NRXN1: variants seen among roughly 807,000 people sequenced by gnomAD.
The protein encoded by NRXN1 is neurexin 1.
Under a neutral mutation model 150.9 loss-of-function variants are expected in NRXN1, and 39 were observed. The observed-to-expected ratio is 0.26, with a 90% CI of 0.20 to 0.34. NRXN1 has a LOEUF of 0.34. Among genes scored for constraint, NRXN1 ranks in the 10% least tolerant of loss-of-function variants. The pLI is 1.00. For synonymous variants in NRXN1, 924 were observed against 757.0 expected, an observed-to-expected ratio of 1.22 and a Z score of -3.62; for missense variants, 1,815 against 1,949.9, an observed-to-expected ratio of 0.93 and a Z score of 1.30.
chr2:50,012,916 G>T (rs899877950), intron 21 of NRXN1, among the ~76,000 whole-genome samples: 1 of 152,090 alleles, frequency 6.6e-6, no homozygotes, highest in Non-Finnish European at 1.5e-5. Flanking sequence ...GACCTTCAAT[G>T]CTTGTGGCTG....
intron 5 of NRXN1, among the ~76,000 whole-genome samples, chr2:50,790,744 T>A (rs1465408667): frequency 6.6e-6 from 1 of 152,152 alleles, no homozygotes; most frequent in Non-Finnish European, 1.5e-5. Flanking sequence ...TACATAATGT[T>A]CACATGGGAA....
At chr2:49,984,847 G>A (rs1680634645) in intron 21 of NRXN1, among the ~76,000 whole-genome samples, 1 of 152,124 alleles carries the variant, frequency 6.6e-6, no homozygotes, top group South Asian at 2.1e-4. Flanking sequence ...CCTGGATTGA[G>A]TTCCACATGT....
intron 22 of NRXN1, among the ~76,000 whole-genome samples, chr2:49,933,587 GT>G (rs1352959737): frequency 6.6e-6 from 1 of 152,096 alleles, no homozygotes; most frequent in Non-Finnish European, 1.5e-5. Context: ...TTGAGTGACA[GT>G]TTGCAGTTCA....
At chr2:50,434,073 T>A (rs2085215865) in intron 17 of NRXN1, among the ~76,000 whole-genome samples, 2 of 125,878 alleles carry the variant, frequency 1.6e-5, no homozygotes, top group East Asian at 6.3e-4. Context: ...TTTTTTTTTT[T>A]TGAGACGGAG....
At chr2:50,876,052 G>T (rs570957934) in intron 5 of NRXN1, among the ~76,000 whole-genome samples, 1 of 151,744 alleles carries the variant, frequency 6.6e-6, no homozygotes, top group Non-Finnish European at 1.5e-5. Flanking sequence ...CTGGGTGCAG[G>T]AGTGGAACAC....
intron 21 of NRXN1, among the ~76,000 whole-genome samples, chr2:49,979,164 G>C (rs964903450): frequency 7.2e-5 from 11 of 152,160 alleles, no homozygotes; most frequent in African/African-American, 2.7e-4. Flanking sequence ...AGGCGTGGTG[G>C]CATGCACCTG....
intron 5 of NRXN1, among the ~76,000 whole-genome samples, chr2:50,685,626 A>C (rs775110557): frequency 5.3e-5 from 8 of 152,102 alleles, no homozygotes; most frequent in Non-Finnish European, 1.0e-4. Context: ...GGATCCCTTA[A>C]GTTCAGGCAC....
At chr2:50,878,375 A>G (rs1041184671) in intron 5 of NRXN1, among the ~76,000 whole-genome samples, 3 of 151,834 alleles carry the variant, frequency 2.0e-5, no homozygotes, top group Non-Finnish European at 4.4e-5. Context: ...TGGCTTTGGT[A>G]TTTTGTCAGG....
intron 5 of NRXN1, chr2:50,656,553 C>A (rs1433883413): frequency 3.5e-6 from 2 of 579,380 alleles, no homozygotes; most frequent in East Asian, 2.8e-5. Context: ...ATTTTGTATA[C>A]AAAAGAATGG....
intron 2 of NRXN1, among the ~76,000 whole-genome samples, chr2:50,959,094 G>C (rs1692732754): frequency 6.6e-6 from 1 of 152,022 alleles, no homozygotes; most frequent in African/African-American, 2.4e-5. Flanking sequence ...TTTTAAAACA[G>C]ACAATAACAA....
At chr2:50,462,234 T>C (rs1325634061) in intron 17 of NRXN1, among the ~76,000 whole-genome samples, 2 of 151,830 alleles carry the variant, frequency 1.3e-5, no homozygotes, top group African/African-American at 2.4e-5. Flanking sequence ...AGTAGAAGTA[T>C]AGAGTCTTAT....
chr2:50,210,467 T>C (rs1656862665), intron 18 of NRXN1, among the ~76,000 whole-genome samples: 1 of 151,754 alleles, frequency 6.6e-6, no homozygotes, highest in South Asian at 2.1e-4. Flanking sequence ...GTCATAGCTA[T>C]TATTGGAAAA....
chr2:50,291,175 T>C (rs1001818903), intron 17 of NRXN1, among the ~76,000 whole-genome samples: 7 of 150,742 alleles, frequency 4.6e-5, no homozygotes, highest in African/African-American at 1.7e-4. Context: ...AAAAATCTGA[T>C]GTTAGGAAAC....
intron 21 of NRXN1, among the ~76,000 whole-genome samples, chr2:50,048,042 G>A (rs865888040): frequency 2.0e-5 from 3 of 151,780 alleles, no homozygotes; most frequent in Admixed American, 6.6e-5. Context: ...AATGCACCAC[G>A]CAGAACTTAA....
At chr2:50,170,710 G>A (rs561394698) in intron 18 of NRXN1, among the ~76,000 whole-genome samples, 13 of 148,262 alleles carry the variant, frequency 8.8e-5, no homozygotes, top group Admixed American at 2.0e-4. Context: ...AAACACTTCC[G>A]GTTCAAGCAT....
intron 17 of NRXN1, among the ~76,000 whole-genome samples, chr2:50,357,949 C>A (rs1408311134): frequency 1.3e-5 from 2 of 152,058 alleles, no homozygotes; most frequent in South Asian, 2.1e-4. Context: ...CAGGGTGGGG[C>A]GTCACATGAC....
chr2:50,426,943 T>A (rs1392883034), intron 17 of NRXN1, among the ~76,000 whole-genome samples: 1 of 152,158 alleles, frequency 6.6e-6, no homozygotes, highest in Non-Finnish European at 1.5e-5. Flanking sequence ...TTAATGTACC[T>A]GTAAGGGGAA....
intron 17 of NRXN1, among the ~76,000 whole-genome samples, chr2:50,435,571 T>C (rs927302878): frequency 6.6e-6 from 1 of 152,196 alleles, no homozygotes; most frequent in Non-Finnish European, 1.5e-5. Context: ...TTATTCCACA[T>C]CTTTGCTATT....
chr2:50,796,360 T>C (rs1364533111), intron 5 of NRXN1, among the ~76,000 whole-genome samples: 1 of 152,158 alleles, frequency 6.6e-6, no homozygotes, highest in Non-Finnish European at 1.5e-5. Context: ...ATAAGCAATT[T>C]TGGAATGAAG....
Sources: allele counts gnomAD v4.1 joint callset (sites outside exome capture counted in the v4.1 genomes callset), GRCh38; gene constraint gnomAD v4.1.1; transcripts MANE v1.5; gene names NCBI Gene and HGNC (gene_info 2026-07-23, HGNC 2026-07-21).